The following CPA6 variants were observed in gnomAD, a reference collection of about 807,000 sequenced individuals.
The protein encoded by CPA6 is carboxypeptidase B.
A neutral mutation model predicts 63.3 loss-of-function variants in CPA6; 58 were observed. That is an observed-to-expected ratio of 0.92 (90% confidence interval 0.74 to 1.14). The LOEUF (loss-of-function observed/expected upper bound fraction) is 1.14, where lower values mean the gene tolerates loss of function less well. Among genes scored for constraint, CPA6 ranks in the 50% most tolerant of loss-of-function variants. The probability of loss-of-function intolerance (pLI) is 0.00; values close to 1 mark genes in which losing one functional copy is unlikely to be tolerated. For synonymous variants in CPA6, 185 were observed against 179.0 expected (o/e 1.03, Z -0.27); for missense variants, 565 against 526.6 (o/e 1.07, Z -0.71).
intron 3 of CPA6, among the ~76,000 whole-genome samples, chr8:67,513,964 A>C (rs1466295381): frequency 1.3e-5 from 2 of 150,160 alleles, no homozygotes; most frequent in African/African-American, 5.0e-5. Flanking sequence ...AAACATAGAA[A>C]ATTTTTTTTT....
intron 1 of CPA6, among the ~76,000 whole-genome samples, chr8:67,731,459 T>G (rs1043766714): frequency 6.6e-6 from 1 of 152,228 alleles, no homozygotes; most frequent in African/African-American, 2.4e-5. Context: ...ACCAACTGAT[T>G]TCACACCACC....
intron 2 of CPA6, among the ~76,000 whole-genome samples, chr8:67,564,275 A>T (rs1283265165): frequency 1.3e-5 from 2 of 152,038 alleles, no homozygotes; most frequent in African/African-American, 4.8e-5. Context: ...TAGTGGTAAA[A>T]CCCAGATTTT....
intron 1 of CPA6, among the ~76,000 whole-genome samples, chr8:67,628,394 C>A (rs1227426132): frequency 1.3e-5 from 2 of 152,210 alleles, no homozygotes; most frequent in Non-Finnish European, 2.9e-5. Flanking sequence ...TGGCTCCTGG[C>A]ATGACCTTTC....
At position 67,511,605 on chromosome 8, in the gene CPA6, T is replaced by A; in HGVS notation, c.368A>T (p.His123Leu). 6.2e-7 allele frequency: 1 copy of A among 1,612,960 alleles called. No homozygotes were observed. Among genetic ancestry groups the A allele is most frequent in the South Asian group, 1.1e-5 (1 of 91,042 alleles). The change falls in exon 4 of 11, where the codon CAC (histidine) becomes CTC (leucine). Residue 123 changes from histidine to leucine, a missense_variant. Transcript: ENST00000297770. ...QKTLEKGSSLHTQRNRRSLSG... is the reference protein window; with the variant it reads ...QKTLEKGSSLLTQRNRRSLSG... Reference sequence around the variant, plus strand: ...GAGGGATCTTCGGTTTCTCTGGGTGTGCAAGCTGCTTCCCTTCTCCAGTGT... The same window carrying A: ...GAGGGATCTTCGGTTTCTCTGGGTGAGCAAGCTGCTTCCCTTCTCCAGTGT...
chr8:67,502,749 T>C (rs1401321780), intron 6 of CPA6, among the ~76,000 whole-genome samples: 1 of 152,236 alleles, frequency 6.6e-6, no homozygotes, highest in Non-Finnish European at 1.5e-5. Flanking sequence ...ATGGATCATT[T>C]AGAAATGTGT....
chr8:67,540,219 T>C (rs1812675683), intron 2 of CPA6, among the ~76,000 whole-genome samples: 1 of 152,102 alleles, frequency 6.6e-6, no homozygotes, highest in African/African-American at 2.4e-5. Flanking sequence ...ATGTTGATGC[T>C]ATTGCTTTTT....
At chr8:67,475,621 T>TG (rs893803219) in intron 8 of CPA6, among the ~76,000 whole-genome samples, 10 of 152,322 alleles carry the variant, frequency 6.6e-5, no homozygotes, top group African/African-American at 2.4e-4. Context: ...GATCAGTATT[T>TG]GGGTTCTCAG....
intron 2 of CPA6, among the ~76,000 whole-genome samples, chr8:67,616,538 T>TGC (rs1472995117): frequency 1.8e-4 from 27 of 150,932 alleles, no homozygotes; most frequent in Admixed American, 2.6e-4. Context: ...TGTGTGTGTG[T>TGC]GTGTGTGTGT....
At chr8:67,725,963 A>G (rs530497417) in intron 1 of CPA6, among the ~76,000 whole-genome samples, 2 of 152,270 alleles carry the variant, frequency 1.3e-5, no homozygotes, top group African/African-American at 4.8e-5. Context: ...CTGGATGACA[A>G]TGGGTACCCC....
intron 6 of CPA6, among the ~76,000 whole-genome samples, chr8:67,491,519 T>C (rs1811605777): frequency 6.6e-6 from 1 of 152,146 alleles, no homozygotes; most frequent in African/African-American, 2.4e-5. Context: ...GAAACATAAA[T>C]ATTTGAAATG....
chr8:67,567,359 T>C (rs1813362819), intron 2 of CPA6, among the ~76,000 whole-genome samples: 1 of 152,334 alleles, frequency 6.6e-6, no homozygotes, highest in Non-Finnish European at 1.5e-5. Context: ...TAAAAATTGC[T>C]CCTACTTTGT....
rs1156589243 is a variant in CPA6 at position 67,428,102 on chromosome 8, T to C, written c.1071A>G (p.Ala357=). The C allele has an allele frequency of 6.2e-7, 1 of 1,612,940 alleles. No homozygotes were observed. The highest frequency in any genetic ancestry group is 8.5e-7 in the Non-Finnish European group (1 of 1,179,186). Residue 357 remains alanine, a synonymous_variant, in exon 10 of 11, where the codon GCA becomes GCG. Transcript: ENST00000297770. ...ATCGTACCCCGTATACTGACTGAAG[T>C]GCATTCACAGCTTTATAAGCTGCAG... ...VESAAYKAVN[A]LQSVYGVRYR...
intron 6 of CPA6, among the ~76,000 whole-genome samples, chr8:67,504,695 C>G (rs1225761283): frequency 6.6e-6 from 1 of 152,222 alleles, no homozygotes; most frequent in Non-Finnish European, 1.5e-5. Context: ...GACACCTTGA[C>G]TGTGACACTG....
At chr8:67,475,962 TTCTC>T (rs1296674226) in intron 8 of CPA6, among the ~76,000 whole-genome samples, 17 of 145,596 alleles carry the variant, frequency 1.2e-4, no homozygotes, top group East Asian at 7.9e-4. Context: ...TTCTTTCTCT[TTCTC>T]TCTCTCTCTT....
chr8:67,522,363 C>T (rs112812538), intron 2 of CPA6, among the ~76,000 whole-genome samples: 1 of 152,310 alleles, frequency 6.6e-6, no homozygotes, highest in East Asian at 1.9e-4. Context: ...GCCTTGCTCA[C>T]TCTCCAGTGT....
chr8:67,586,882 C>T (rs1813953103), intron 2 of CPA6, among the ~76,000 whole-genome samples: 1 of 152,056 alleles, frequency 6.6e-6, no homozygotes, highest in South Asian at 2.1e-4. Flanking sequence ...TGTGGGTAAC[C>T]ATGTTGATTC....
chr8:67,423,138 G>A (rs548904577), intron 10 of CPA6, among the ~76,000 whole-genome samples: 9 of 152,162 alleles, frequency 5.9e-5, no homozygotes, highest in Non-Finnish European at 1.3e-4. Context: ...AGGCTGGAGT[G>A]CAGTGTCACA....
chr8:67,695,849 G>C (rs547034164), intron 1 of CPA6, among the ~76,000 whole-genome samples: 1 of 152,126 alleles, frequency 6.6e-6, no homozygotes, highest in Non-Finnish European at 1.5e-5. Context: ...CAGATGGGAG[G>C]GGCAGCATTC....
chr8:67,732,468 G>A (rs1238072221), intron 1 of CPA6: 1 of 152,084 alleles, frequency 6.6e-6, no homozygotes, highest in Non-Finnish European at 1.5e-5. Flanking sequence ...ACGCTATTTG[G>A]GGACTGTAAG....
Sources: allele counts gnomAD v4.1 joint callset (sites outside exome capture counted in the v4.1 genomes callset), GRCh38; gene constraint gnomAD v4.1.1; transcripts MANE v1.5; gene names NCBI Gene and HGNC (gene_info 2026-07-23, HGNC 2026-07-21).